Variants in ABCC4 observed in about 807,000 individuals in gnomAD.
ABCC4 encodes the protein ATP-binding cassette sub-family C member 4.
A neutral mutation model predicts 168.5 loss-of-function variants in ABCC4; 102 were observed. The ratio of observed to expected loss-of-function variants is 0.61; its 90% CI spans 0.52 to 0.71. The LOEUF is 0.71. Among genes scored for constraint, ABCC4 ranks in the 30% least tolerant of loss-of-function variants. The pLI is 0.00. For missense variants in ABCC4, 1,402 were observed against 1,605.8 expected (o/e 0.87, Z 2.17); for synonymous variants, 617 against 590.7 (o/e 1.04, Z -0.65).
rs530274170 is a variant in ABCC4 at position 95,093,869 on chromosome 13, C to T, written c.2536-10579G>A. On this transcript the variant is annotated intron_variant, in intron 20 of 30. Coordinates refer to ENST00000645237, the MANE Select transcript of ABCC4 (RefSeq NM_005845.5). ...TACACAAATCAGTAGCTCTTCTATA[C>T]GCCAACAGGAACCAAGTAGAGAATC... Among the ~76,000 whole-genome samples the T allele has an allele frequency of 4.6e-5, 7 of 152,214 alleles. No individual in the cohort carries two copies. The South Asian group carries it at 6.2e-4, about 14-fold the overall frequency.
At chr13:95,039,995 G>T (rs556566204) in intron 29 of ABCC4, among the ~76,000 whole-genome samples, 9 of 152,296 alleles carry the variant, frequency 5.9e-5, no homozygotes, top group Admixed American at 5.2e-4. Context: ...GATGAAAGGG[G>T]TGTACGGAGA....
intron 8 of ABCC4, among the ~76,000 whole-genome samples, chr13:95,202,744 G>C (rs1197070829): frequency 6.7e-6 from 1 of 148,720 alleles, no homozygotes; most frequent in Admixed American, 6.8e-5. Context: ...CACCTCCCGG[G>C]TTCAAGCAAT....
chr13:95,065,510 T>C (rs2033497920), intron 25 of ABCC4, among the ~76,000 whole-genome samples: 1 of 152,220 alleles, frequency 6.6e-6, no homozygotes, highest in African/African-American at 2.4e-5. Context: ...TAAAAGTATT[T>C]ACTTCAGTAG....
At chr13:95,182,596 G>T (rs7333637) in intron 11 of ABCC4, among the ~76,000 whole-genome samples, 4,375 of 152,226 alleles carry the variant, frequency 0.029, 201 homozygotes, top group African/African-American at 0.098. Flanking sequence ...AATTAAGAAG[G>T]CCTGTTATGT....
intron 9 of ABCC4, among the ~76,000 whole-genome samples, chr13:95,189,517 C>T (rs1187656920): frequency 6.6e-6 from 1 of 152,170 alleles, no homozygotes; most frequent in African/African-American, 2.4e-5. Context: ...TTAACCTCCA[C>T]AAGGTGGCAG....
intron 20 of ABCC4, among the ~76,000 whole-genome samples, chr13:95,091,792 G>A (rs193268042): frequency 1.8e-4 from 27 of 152,042 alleles, no homozygotes; most frequent in African/African-American, 2.4e-4. Context: ...AACAAACAGC[G>A]CGATGAATAC....
chr13:95,048,595 G>GA (rs2032693532), intron 27 of ABCC4, among the ~76,000 whole-genome samples: 2 of 152,230 alleles, frequency 1.3e-5, no homozygotes. Context: ...ACAGGCCTGG[G>GA]AAAAATGGAG....
At chr13:95,057,041 T>C (rs922135005) in intron 26 of ABCC4, among the ~76,000 whole-genome samples, 3 of 152,228 alleles carry the variant, frequency 2.0e-5, no homozygotes, top group South Asian at 2.1e-4. Context: ...ATCCTTCAGT[T>C]AAGCAAACTC....
chr13:95,167,453 G>C (rs2037319066), intron 14 of ABCC4, among the ~76,000 whole-genome samples: 1 of 152,078 alleles, frequency 6.6e-6, no homozygotes, highest in Non-Finnish European at 1.5e-5. Context: ...CCTGGCTAAG[G>C]CAAGTCAGGT....
At chr13:95,299,552 AT>A (rs927681220) in intron 1 of ABCC4, among the ~76,000 whole-genome samples, 15 of 150,598 alleles carry the variant, frequency 1.0e-4, no homozygotes, top group African/African-American at 2.4e-4. Flanking sequence ...AAAACATCAG[AT>A]TTTTTTTTGC....
At chr13:95,257,027 G>A (rs1235535034) in intron 1 of ABCC4, among the ~76,000 whole-genome samples, 1 of 152,054 alleles carries the variant, frequency 6.6e-6, no homozygotes, top group East Asian at 1.9e-4. Flanking sequence ...CAGGGATTGG[G>A]GTGCCAACCC....
rs1555323089 is a variant in ABCC4, at chr13:95,159,095, A to ATATG, written c.2455+2093_2455+2094insCATA. 1.2e-4 allele frequency among the ~76,000 whole-genome samples: 6 copies of ATATG among 49,568 alleles called. No homozygotes were observed. In the African/African-American group the frequency reaches 1.3e-3, roughly 11 times the overall value. The allele number at this position is 49,568 out of a possible 152,430, so 32.5% of individuals were successfully genotyped here. ...GAGACCTTATTTCTAAATAAATTTT[A>ATATG]TATATATATATATATATATATATAT... On this transcript the variant is annotated intron_variant, in intron 19 of 30. Coordinates refer to ENST00000645237, the MANE Select transcript of ABCC4 (RefSeq NM_005845.5).
At chr13:95,124,713 GAAAAAAAAAAA>G (rs59665124) in intron 19 of ABCC4, among the ~76,000 whole-genome samples, 2 of 59,210 alleles carry the variant, frequency 3.4e-5, no homozygotes, top group Admixed American at 3.0e-4. Context: ...TACTAAAAAC[GAAAAAAAAAAA>G]AAAAAAAAAA....
intron 1 of ABCC4, among the ~76,000 whole-genome samples, chr13:95,262,886 T>TGGCCTC (rs1258189849): frequency 6.6e-6 from 1 of 152,172 alleles, no homozygotes; most frequent in Non-Finnish European, 1.5e-5. Flanking sequence ...CCAGCCACCT[T>TGGCCTC]GGCCTCCCAA....
intron 4 of ABCC4, among the ~76,000 whole-genome samples, chr13:95,218,400 T>A (rs2039182874): frequency 6.6e-6 from 1 of 152,208 alleles, no homozygotes; most frequent in African/African-American, 2.4e-5. Flanking sequence ...TCTCTAATTC[T>A]GTAAAAGAAA....
intron 19 of ABCC4, among the ~76,000 whole-genome samples, chr13:95,150,201 C>T (rs938088424): frequency 7.9e-5 from 12 of 152,158 alleles, no homozygotes; most frequent in African/African-American, 2.7e-4. Context: ...TGGCCTCAAG[C>T]GATCCTCCTG....
rs373157549 is a variant in ABCC4 at position 95,062,909 on chromosome 13, C to G, written c.3211-50G>C. 9 of 1,538,792 alleles carry G rather than the reference C, an allele frequency of 5.8e-6. No individual in the cohort carries two copies. The Middle Eastern group carries it at 8.7e-4, about 148-fold the overall frequency. ...ATTAAAAAAAAAAAGAAAAAAATCACAGGATGCAGCAAAACTAGGAGAAAA... is the reference window on the plus strand; with the variant it reads ...ATTAAAAAAAAAAAGAAAAAAATCAGAGGATGCAGCAAAACTAGGAGAAAA... On this transcript the variant is annotated intron_variant, in intron 25 of 30. Transcript: ENST00000645237.
intron 11 of ABCC4, among the ~76,000 whole-genome samples, chr13:95,186,465 TA>T (rs2038062585): frequency 6.6e-6 from 1 of 152,066 alleles, no homozygotes; most frequent in Non-Finnish European, 1.5e-5. Context: ...TAAAAGTAAA[TA>T]AAACTTCACA....
chr13:95,123,864 G>A (rs191646307), intron 19 of ABCC4, among the ~76,000 whole-genome samples: 1 of 152,334 alleles, frequency 6.6e-6, no homozygotes, highest in East Asian at 1.9e-4. Context: ...ACCAGGGTGA[G>A]GCGGGGTCAG....
Sources: gnomAD v4.1 joint callset for allele counts (sites outside exome capture counted in the v4.1 genomes callset) on GRCh38, gnomAD v4.1.1 for gene constraint, MANE v1.5 for transcripts, NCBI Gene and HGNC (gene_info 2026-07-23, HGNC 2026-07-21) for gene names.